LIMK1: variants seen among roughly 807,000 people sequenced by gnomAD.
LIMK1 encodes LIM motif-containing protein kinase.
In LIMK1, 21 loss-of-function variants were observed where a neutral mutation model predicts 77.6. The observed-to-expected ratio is 0.27, with a 90% CI of 0.19 to 0.39. The LOEUF is 0.39. Among genes scored for constraint, LIMK1 ranks in the 10% least tolerant of loss-of-function variants. The pLI is 1.00. For missense variants in LIMK1, 696 were observed against 901.6 expected, an observed-to-expected ratio of 0.77 and a Z score of 2.92; for synonymous variants, 358 against 370.0, an observed-to-expected ratio of 0.97 and a Z score of 0.37.
intron 2 of LIMK1, among the ~76,000 whole-genome samples, chr7:74,087,696 T>C (rs1452754269): frequency 6.6e-6 from 1 of 151,810 alleles, no homozygotes; most frequent in Non-Finnish European, 1.5e-5. Context: ...TTCAAGCGAT[T>C]CTCCTGCTTC....
Position 74,115,965 on chromosome 7 carries a change from G to A in LIMK1, c.1567+7G>A, listed in dbSNP as rs222996. 24,559 of 1,610,258 alleles carry A rather than the reference G, an allele frequency of 0.015. 238 individuals are homozygous for A. Among genetic ancestry groups the A allele is most frequent in the Non-Finnish European group, 0.019 (21,928 of 1,176,930 alleles). On this transcript the variant is annotated splice_region_variant and intron_variant, in intron 13 of 15. Coordinates refer to ENST00000336180, the MANE Select transcript of LIMK1 (RefSeq NM_002314.4). ...GCACCTGAGATGATCAACGGTGAGTGGTTCAGCCCTGCCCATCATGGCCCT... is the reference window on the plus strand; with the variant it reads ...GCACCTGAGATGATCAACGGTGAGTAGTTCAGCCCTGCCCATCATGGCCCT...
At chr7:74,108,845 A>G in intron 9 of LIMK1, 60 bp from the exon 10 acceptor site, 1 of 1,580,218 alleles carries the variant, frequency 6.3e-7, no homozygotes. Flanking sequence ...AGGGAGAAGC[A>G]GACCCAAGCA....
intron 7 of LIMK1, 41 bp from the exon 8 acceptor site, chr7:74,106,969 C>A: frequency 6.6e-7 from 1 of 1,509,648 alleles, no homozygotes; most frequent in Non-Finnish European, 8.9e-7. Context: ...CCGGGTGCTA[C>A]CTGTCCCCCG....
intron 3 of LIMK1, 23 bp downstream of exon 3, chr7:74,096,783 A>C (rs577287799): frequency 1.1e-5 from 17 of 1,570,460 alleles, no homozygotes; most frequent in Non-Finnish European, 1.4e-5. Context: ...TGCCTTGCAC[A>C]CTCACCTGGG....
At chr7:74,099,266 G>T in intron 5 of LIMK1, 28 bp downstream of exon 5, 3 of 1,595,836 alleles carry the variant, frequency 1.9e-6, no homozygotes, top group South Asian at 2.2e-5. Context: ...CGAGGCTGCC[G>T]TCGGTGTGGC....
chr7:74,108,846 G>A, intron 9 of LIMK1, 59 bp from the exon 10 acceptor site: 2 of 1,582,082 alleles, frequency 1.3e-6, no homozygotes, highest in Non-Finnish European at 1.7e-6. Context: ...GGGAGAAGCA[G>A]ACCCAAGCAC....
chr7:74,100,758 C>T (rs571339942), intron 5 of LIMK1, among the ~76,000 whole-genome samples: 3 of 134,870 alleles, frequency 2.2e-5, no homozygotes, highest in East Asian at 2.2e-4. Context: ...TTTTTCGAGA[C>T]GGAGTCTCGC....
rs781581486 is a variant in LIMK1, at chr7:74,111,917, G to A, written c.1345-16G>A. On this transcript the variant is annotated splice_polypyrimidine_tract_variant and intron_variant, in intron 11 of 15. Transcript: ENST00000336180. ...TCTGCACAGCTGCCCCCTGACTCCC[G>A]TGTCCCCGTCCCTAGGCCTACCTCC... The A allele has an allele frequency of 1.4e-5, 22 of 1,610,486 alleles. No individual in the cohort carries two copies. Among genetic ancestry groups the A allele is most frequent in the South Asian group, 9.9e-5 (9 of 91,012 alleles).
Position 74,109,046 on chromosome 7 carries a change from G to C in LIMK1, c.1284+10G>C, listed in dbSNP as rs1189786762. ...CATCATCAAGAGCATGGTGAGTCCT[G>C]GGCAGAGCCAGCCACCCCCGCTGTG... On this transcript the variant is annotated intron_variant, in intron 10 of 15. Transcript: ENST00000336180. 6.2e-7 allele frequency: 1 copy of C among 1,607,850 alleles called. No individual in the cohort carries two copies. The highest frequency in any genetic ancestry group is 1.3e-5 in the African/African-American group (1 of 74,832).
intron 12 of LIMK1, chr7:74,115,502 G>C (rs1263264624): frequency 8.5e-6 from 3 of 353,970 alleles, no homozygotes; most frequent in Non-Finnish European, 1.6e-5. Flanking sequence ...GGGAGCGCTT[G>C]CAGGAGGGAG....
chr7:74,115,033 G>A (rs979836070), intron 12 of LIMK1, among the ~76,000 whole-genome samples: 3 of 151,964 alleles, frequency 2.0e-5, no homozygotes, highest in African/African-American at 7.3e-5. Context: ...AGACCAGTCT[G>A]GGCAACATAG....
At chr7:74,117,324 C>T (rs1799836406) in intron 13 of LIMK1, among the ~76,000 whole-genome samples, 1 of 152,074 alleles carries the variant, frequency 6.6e-6, no homozygotes, top group Admixed American at 6.6e-5. Context: ...CTCCATCCTT[C>T]TGATAGGGAC....
At chr7:74,097,826 G>A (rs1467056096) in intron 4 of LIMK1, among the ~76,000 whole-genome samples, 1 of 152,198 alleles carries the variant, frequency 6.6e-6, no homozygotes, top group East Asian at 1.9e-4. Flanking sequence ...CACAAGTTCA[G>A]GGGTCCCCAA....
intron 13 of LIMK1, among the ~76,000 whole-genome samples, chr7:74,117,890 T>C (rs1400459405): frequency 6.6e-6 from 1 of 151,658 alleles, no homozygotes; most frequent in Non-Finnish European, 1.5e-5. Flanking sequence ...GGCGGATTGC[T>C]TGAGGCCAGG....
chr7:74,092,570 C>T (rs1799257796), intron 2 of LIMK1, among the ~76,000 whole-genome samples: 1 of 152,204 alleles, frequency 6.6e-6, no homozygotes, highest in Non-Finnish European at 1.5e-5. Context: ...AAGGTTATGA[C>T]CAGGCTTGGA....
At chr7:74,084,540 C>A (rs934134350) in intron 1 of LIMK1, among the ~76,000 whole-genome samples, 8 of 152,132 alleles carry the variant, frequency 5.3e-5, no homozygotes, top group Non-Finnish European at 8.8e-5. Context: ...AGTTGCCCCC[C>A]CGGTGTCGGT....
At chr7:74,112,801 G>A (rs1420833626) in intron 12 of LIMK1, among the ~76,000 whole-genome samples, 3 of 151,906 alleles carry the variant, frequency 2.0e-5, no homozygotes, top group African/African-American at 4.8e-5. Flanking sequence ...CTCCAGCCTG[G>A]GTGACAGAGC....
In LIMK1 at chr7:74,093,404, G is replaced by A. The variant is rs545142937; in HGVS notation, c.153-3218G>A. 4 of 1,341,898 alleles carry A rather than the reference G, an allele frequency of 3.0e-6. No homozygotes were observed. In the African/African-American group the frequency reaches 5.8e-5, roughly 19 times the overall value. 83.1% of individuals were successfully genotyped at this position (1,341,898 alleles called of 1,614,324 possible). ...CCACCTAGGTCCAGGCTCTGGGGCA[G>A]AACTGAAACTCCTTGGTTACTGTCG... On this transcript the variant is annotated intron_variant, in intron 2 of 15. Coordinates refer to ENST00000336180, the MANE Select transcript of LIMK1 (RefSeq NM_002314.4).
intron 2 of LIMK1, among the ~76,000 whole-genome samples, chr7:74,088,409 G>C (rs2115619194): frequency 6.6e-6 from 1 of 152,290 alleles, no homozygotes; most frequent in East Asian, 1.9e-4. Flanking sequence ...GAGGGAACAG[G>C]AACAGTTCCC....
Sources: gnomAD v4.1 joint callset for allele counts (sites outside exome capture counted in the v4.1 genomes callset) on GRCh38, gnomAD v4.1.1 for gene constraint, MANE v1.5 for transcripts, NCBI Gene and HGNC (gene_info 2026-07-23, HGNC 2026-07-21) for gene names.